The following EYS variants were observed in gnomAD, a reference collection of about 807,000 sequenced individuals.
EYS encodes the protein protein eyes shut homolog.
In EYS, 250 loss-of-function variants were observed where a neutral mutation model predicts 282.1. The observed-to-expected ratio is 0.89, with a 90% CI of 0.80 to 0.98. The LOEUF (loss-of-function observed/expected upper bound fraction) is 0.98, where lower values mean the gene tolerates loss of function less well. Among genes scored for constraint, EYS ranks in the 50% least tolerant of loss-of-function variants. EYS has a pLI of 0.00. For missense variants in EYS, 4,016 were observed against 3,709.0 expected (o/e 1.08, Z -2.15); for synonymous variants, 1,355 against 1,282.9 (o/e 1.06, Z -1.20).
chr6:65,007,777 G>A (rs571014932), intron 13 of EYS, among the ~76,000 whole-genome samples: 57 of 152,280 alleles, frequency 3.7e-4, no homozygotes, highest in African/African-American at 1.3e-3. Context: ...CCCAGCCAGC[G>A]TGCATGTACT....
intron 33 of EYS, among the ~76,000 whole-genome samples, chr6:64,056,125 C>T (rs552534154): frequency 6.6e-6 from 1 of 152,306 alleles, no homozygotes; most frequent in South Asian, 2.1e-4. Context: ...CAACTTTTGC[C>T]TCTGTTCGCT....
intron 12 of EYS, among the ~76,000 whole-genome samples, chr6:65,095,558 A>C (rs1192596065): frequency 6.6e-6 from 1 of 151,198 alleles, no homozygotes; most frequent in Non-Finnish European, 1.5e-5. Context: ...GAATATACAC[A>C]AATTTTACTT....
intron 1 of EYS, among the ~76,000 whole-genome samples, chr6:65,695,063 C>A (rs1001734156): frequency 6.6e-6 from 1 of 152,010 alleles, no homozygotes; most frequent in African/African-American, 2.4e-5. Context: ...GAAAAATATA[C>A]ATTTTACAAG....
chr6:65,011,466 A>T (rs922029977), intron 13 of EYS, among the ~76,000 whole-genome samples: 1 of 152,068 alleles, frequency 6.6e-6, no homozygotes, highest in Non-Finnish European at 1.5e-5. Context: ...TCTACCGCAG[A>T]CCCCTGGACT....
intron 29 of EYS, among the ~76,000 whole-genome samples, chr6:64,354,121 T>G (rs2150404999): frequency 6.6e-6 from 1 of 151,728 alleles, no homozygotes; most frequent in South Asian, 2.1e-4. Context: ...CAGAGGTTTG[T>G]TTCTGAAAAC....
intron 30 of EYS, among the ~76,000 whole-genome samples, chr6:64,239,452 G>A (rs1766720943): frequency 6.6e-6 from 1 of 152,124 alleles, no homozygotes; most frequent in African/African-American, 2.4e-5. Flanking sequence ...CATTCTAACT[G>A]GAGTGAGATG....
intron 2 of EYS, among the ~76,000 whole-genome samples, chr6:65,598,702 CAG>C: frequency 6.6e-6 from 1 of 152,168 alleles, no homozygotes; most frequent in South Asian, 2.1e-4. Context: ...ACAGGCTTTC[CAG>C]TACATTGTCC....
At position 64,274,486 on chromosome 6, in the gene EYS, T is replaced by TTTTTTTTTTTTG. The variant is rs1554224748; in HGVS notation, c.6191+32483_6191+32484insCAAAAAAAAAAA. On this transcript the variant is annotated intron_variant, in intron 30 of 42. Coordinates refer to ENST00000503581, the MANE Select transcript of EYS (RefSeq NM_001142800.2). Reference sequence around the variant, plus strand: ...GCGAGCCACCACGCCTGGCCGTTTTTTTTTTTTTTTTTTTTTTACAAATCA... The same window carrying TTTTTTTTTTTTG: ...GCGAGCCACCACGCCTGGCCGTTTTTTTTTTTTTTTTGTTTTTTTTTTTTTTTTTACAAATCA... Among the ~76,000 whole-genome samples, 548 of 146,010 alleles carry TTTTTTTTTTTTG rather than the reference T, an allele frequency of 3.8e-3. 15 individuals are homozygous for TTTTTTTTTTTTG. Among genetic ancestry groups the TTTTTTTTTTTTG allele is most frequent in the African/African-American group, 0.014 (520 of 37,410 alleles).
chr6:64,265,524 T>C (rs1361635044), intron 30 of EYS, among the ~76,000 whole-genome samples: 1 of 152,160 alleles, frequency 6.6e-6, no homozygotes, highest in Non-Finnish European at 1.5e-5. Flanking sequence ...TAGAGAAGAA[T>C]TGCTAGAATA....
At chr6:64,761,619 G>A (rs568404204) in intron 22 of EYS, among the ~76,000 whole-genome samples, 1 of 152,260 alleles carries the variant, frequency 6.6e-6, no homozygotes, top group African/African-American at 2.4e-5. Flanking sequence ...ACCATGCCCA[G>A]CTAATTTTTG....
chr6:64,452,341 G>A lies in EYS; in HGVS notation c.5645-12989C>T, dbSNP rs994733988. On this transcript the variant is annotated intron_variant, in intron 26 of 42. Transcript: ENST00000503581. ...TCTTCAAGGAGAACTACAAACCACTGCTCAATTAAATAAAAGAGGACAGAA... is the reference window on the plus strand; with the variant it reads ...TCTTCAAGGAGAACTACAAACCACTACTCAATTAAATAAAAGAGGACAGAA... Among the ~76,000 whole-genome samples the A allele has an allele frequency of 1.2e-4, 18 of 152,186 alleles. 1 individual carries two copies. In the Middle Eastern group the frequency reaches 0.014, roughly 115 times the overall value.
intron 19 of EYS, among the ~76,000 whole-genome samples, chr6:64,839,420 TATAACAG>T (rs1216442665): frequency 6.6e-6 from 1 of 152,066 alleles, no homozygotes; most frequent in African/African-American, 2.4e-5. Flanking sequence ...TTTACTTCTA[TATAACAG>T]TGTTCCTTTA....
intron 21 of EYS, among the ~76,000 whole-genome samples, chr6:64,817,452 C>T (rs994912460): frequency 6.6e-6 from 1 of 151,980 alleles, no homozygotes; most frequent in African/African-American, 2.4e-5. Flanking sequence ...AATTACAGTC[C>T]ACACTCAGAG....
chr6:65,401,711 G>A (rs1766504779), intron 7 of EYS, among the ~76,000 whole-genome samples: 1 of 151,690 alleles, frequency 6.6e-6, no homozygotes, highest in Non-Finnish European at 1.5e-5. Context: ...GTGTGAAGTG[G>A]ATGCATATTC....
chr6:64,569,027 A>AAG (rs971788215), intron 26 of EYS, among the ~76,000 whole-genome samples: 1 of 9,930 alleles, frequency 1.0e-4, no homozygotes, highest in African/African-American at 3.0e-3. Flanking sequence ...GATGGAAAAG[A>AAG]AAAAAAAAAA....
rs1452827890 is a variant in EYS, at chr6:65,050,163, AT to A, written c.2137+7450del. On this transcript the variant is annotated intron_variant, in intron 13 of 42. Transcript: ENST00000503581. ...AGAAAGGAATAAAAGAAGCAAAAAA[AT>A]ATTTTGTTTTAAATGGTAGATAGAA... 7.3e-5 allele frequency among the ~76,000 whole-genome samples: 11 copies of A among 151,628 alleles called. No homozygotes were observed. In the East Asian group the frequency reaches 1.9e-3, roughly 27 times the overall value.
At position 65,055,995 on chromosome 6, in the gene EYS, C is replaced by A. The variant is rs181329780; in HGVS notation, c.2137+1619G>T. ...AGGGATGGGGAGTTTTGTTCCACTTCATTAAGTTCAAAGTACCTACATAAA... is the reference window on the plus strand; with the variant it reads ...AGGGATGGGGAGTTTTGTTCCACTTAATTAAGTTCAAAGTACCTACATAAA... On this transcript the variant is annotated intron_variant, in intron 13 of 42. Transcript: ENST00000503581. Among the ~76,000 whole-genome samples, 35 of 152,136 alleles carry A rather than the reference C, an allele frequency of 2.3e-4. 1 individual carries two copies. Among genetic ancestry groups the A allele is most frequent in the African/African-American group, 8.2e-4 (34 of 41,540 alleles).
chr6:65,221,883 TAG>T (rs1361021362), intron 12 of EYS, among the ~76,000 whole-genome samples: 2 of 152,188 alleles, frequency 1.3e-5, no homozygotes, highest in African/African-American at 2.4e-5. Context: ...CAGGGTGACC[TAG>T]ATGGAAGAAA....
intron 26 of EYS, among the ~76,000 whole-genome samples, chr6:64,575,108 T>A (rs536684248): frequency 6.6e-6 from 1 of 152,152 alleles, no homozygotes; most frequent in African/African-American, 2.4e-5. Context: ...TGATTGAAAA[T>A]CAAACAGAAA....
Sources: allele counts gnomAD v4.1 joint callset (sites outside exome capture counted in the v4.1 genomes callset), GRCh38; gene constraint gnomAD v4.1.1; transcripts MANE v1.5; gene names NCBI Gene and HGNC (gene_info 2026-07-23, HGNC 2026-07-21).